The following DNAJC5B variants were observed in gnomAD, a reference collection of about 807,000 sequenced individuals.
DNAJC5B encodes the protein dnaJ homolog subfamily C member 5B.
Under a neutral mutation model 24.7 loss-of-function variants are expected in DNAJC5B, and 23 were observed. The ratio of observed to expected loss-of-function variants is 0.93; its 90% CI spans 0.67 to 1.32. The LOEUF (loss-of-function observed/expected upper bound fraction) is 1.32. DNAJC5B is among the 40% of genes most tolerant of loss of function. DNAJC5B has a pLI of 0.00. For missense variants in DNAJC5B, 238 were observed against 240.8 expected, an observed-to-expected ratio of 0.99 and a Z score of 0.08; for synonymous variants, 101 against 90.1, an observed-to-expected ratio of 1.12 and a Z score of -0.68.
intron 5 of DNAJC5B, among the ~76,000 whole-genome samples, chr8:66,090,280 TGG>T (rs1491037382): frequency 1.4e-5 from 2 of 146,718 alleles, no homozygotes; most frequent in Non-Finnish European, 3.0e-5. Flanking sequence ...TGTGTGTGTG[TGG>T]TAGAGAGAGA....
At chr8:66,055,007 C>T (rs1806933903) in intron 3 of DNAJC5B, among the ~76,000 whole-genome samples, 1 of 152,074 alleles carries the variant, frequency 6.6e-6, no homozygotes, top group Non-Finnish European at 1.5e-5. Flanking sequence ...TTTTAAAATC[C>T]ACTTTACTTT....
At chr8:66,069,287 T>C (rs1235340168) in intron 3 of DNAJC5B, among the ~76,000 whole-genome samples, 5 of 151,946 alleles carry the variant, frequency 3.3e-5, no homozygotes, top group Admixed American at 2.0e-4. Flanking sequence ...TCACTTTGAA[T>C]AAAAAACTGA....
intron 5 of DNAJC5B, among the ~76,000 whole-genome samples, chr8:66,090,132 T>C (rs1030645599): frequency 5.3e-5 from 8 of 152,140 alleles, no homozygotes; most frequent in Non-Finnish European, 8.8e-5. Context: ...TATACTCCTC[T>C]AGCAGTTGAA....
chr8:66,036,126 C>G (rs2128957097), intron 1 of DNAJC5B, among the ~76,000 whole-genome samples: 1 of 152,336 alleles, frequency 6.6e-6, no homozygotes, highest in South Asian at 2.1e-4. Context: ...GAAAACCTGG[C>G]TGAGACCTGA....
rs1806845627 is a variant in DNAJC5B at position 66,051,594 on chromosome 8, C to T, written c.47C>T (p.Thr16Ile). Residue 16 changes from threonine (T) to isoleucine (I), a missense_variant, in exon 3 of 6, where the codon ACA becomes ATA. Coordinates refer to ENST00000276570, the MANE Select transcript of DNAJC5B (RefSeq NM_033105.6). ...PNQRQRTLSTTGEALYEILGL... is the reference protein window; with the variant it reads ...PNQRQRTLSTIGEALYEILGL... The stretch of plus-strand genomic sequence containing the variant: ...CAAAGACAGCGGACTCTGTCAACAA[C>T]AGGAGAAGCTCTATACGAAATTCTT... 1 of 1,613,930 alleles carries T rather than the reference C, an allele frequency of 6.2e-7. No individual in the cohort carries two copies. Among genetic ancestry groups the T allele is most frequent in the African/African-American group, 1.3e-5 (1 of 74,896 alleles).
intron 5 of DNAJC5B, among the ~76,000 whole-genome samples, chr8:66,095,688 C>T (rs1210534966): frequency 6.7e-6 from 1 of 150,346 alleles, no homozygotes; most frequent in African/African-American, 2.5e-5. Context: ...CACACACACA[C>T]ACACACATAC....
Position 66,100,009 on chromosome 8 carries a change from G to C in DNAJC5B, c.578G>C (p.Arg193Pro), listed in dbSNP as rs149881668. The change falls in exon 6 of 6, where the codon CGA (arginine) becomes CCA (proline). Residue 193 changes from arginine (R) to proline (P), a missense_variant. Physicochemically the swap from Arg to Pro is moderately radical, Grantham distance 103 (BLOSUM62 -2). Transcript: ENST00000276570. ...ACACAGCTAATCAAAGAAGGATCTC[G>C]AAGTTATTGCACAGACTCTTGATAT... ...EKTQLIKEGSRSYCTDS is the reference protein window; with the variant it reads ...EKTQLIKEGSPSYCTDS 346 of 1,613,780 alleles carry C rather than the reference G, an allele frequency of 2.1e-4. No homozygotes were observed. The highest frequency in any genetic ancestry group is 2.7e-4 in the Non-Finnish European group (321 of 1,179,900).
At chr8:66,092,568 T>C (rs1807869334) in intron 5 of DNAJC5B, among the ~76,000 whole-genome samples, 1 of 152,198 alleles carries the variant, frequency 6.6e-6, no homozygotes, top group Non-Finnish European at 1.5e-5. Flanking sequence ...GACCTGAGTT[T>C]CTACCTCAGA....
chr8:66,080,274 T>G, intron 4 of DNAJC5B, 103 bp from the exon 5 acceptor site: 1 of 1,483,762 alleles, frequency 6.7e-7, no homozygotes, highest in South Asian at 1.3e-5. Context: ...AACTGTGAAG[T>G]GTTCAGGTCT....
chr8:66,034,910 T>C (rs1032401710), intron 1 of DNAJC5B, among the ~76,000 whole-genome samples: 4 of 152,190 alleles, frequency 2.6e-5, no homozygotes, highest in African/African-American at 9.7e-5. Flanking sequence ...ATGAATTACA[T>C]ACAAATTGGT....
In DNAJC5B at chr8:66,028,834, C is replaced by T. The variant is rs530939755; in HGVS notation, c.-142+7129C>T. ...GGCCACGCCTTTCTAAAATAGAAAC[C>T]GGCACTCCCCAGTTTCAAGTTTTTC... is the stretch of plus-strand genomic sequence containing the variant. On this transcript the variant is annotated intron_variant, in intron 1 of 5. Transcript: ENST00000276570. Among the ~76,000 whole-genome samples the T allele has an allele frequency of 5.9e-5, 9 of 152,244 alleles. No homozygotes were observed. The South Asian group carries it at 8.3e-4, about 14-fold the overall frequency.
At chr8:66,040,112 CCA>C (rs1266856704) in intron 1 of DNAJC5B, among the ~76,000 whole-genome samples, 2 of 152,106 alleles carry the variant, frequency 1.3e-5, no homozygotes, top group Non-Finnish European at 2.9e-5. Flanking sequence ...TGACTTGCGG[CCA>C]CACACAGTGG....
chr8:66,049,373 G>A (rs1586080211), intron 2 of DNAJC5B, among the ~76,000 whole-genome samples: 1 of 152,264 alleles, frequency 6.6e-6, no homozygotes, highest in Non-Finnish European at 1.5e-5. Context: ...CCAGTCCTTT[G>A]AGCTCCATTT....
At position 66,100,074 on chromosome 8, in the gene DNAJC5B, G is replaced by A. The variant is rs985092526; in HGVS notation, c.*43G>A. The A allele has an allele frequency of 6.4e-7, 1 of 1,569,314 alleles. No individual in the cohort carries two copies. The highest frequency in any genetic ancestry group is 1.4e-5 in the African/African-American group (1 of 73,984). ...GTCCACAGTCCCTCCTCTCAGTTCA[G>A]TCTTGTCTCCAGATGGTCGTAGGGG... On this transcript the variant is annotated 3_prime_UTR_variant, in exon 6 of 6. Coordinates refer to ENST00000276570, the MANE Select transcript of DNAJC5B (RefSeq NM_033105.6).
intron 5 of DNAJC5B, among the ~76,000 whole-genome samples, chr8:66,087,413 G>T (rs1327600284): frequency 2.6e-5 from 4 of 152,084 alleles, no homozygotes; most frequent in Admixed American, 1.3e-4. Flanking sequence ...ATATCATTCT[G>T]CCCCTGGCCC....
At chr8:66,043,886 G>A (rs1047555776) in intron 2 of DNAJC5B, among the ~76,000 whole-genome samples, 1 of 150,216 alleles carries the variant, frequency 6.7e-6, no homozygotes, top group Non-Finnish European at 1.5e-5. Context: ...GAGTACAGTG[G>A]CGCCATCTCG....
intron 1 of DNAJC5B, among the ~76,000 whole-genome samples, chr8:66,036,742 C>G (rs976289836): frequency 6.6e-6 from 1 of 152,256 alleles, no homozygotes; most frequent in East Asian, 1.9e-4. Flanking sequence ...TCCTGGTACC[C>G]AAATTTTTTT....
intron 1 of DNAJC5B, among the ~76,000 whole-genome samples, chr8:66,038,296 T>C (rs747590071): frequency 1.5e-4 from 23 of 152,228 alleles, no homozygotes; most frequent in South Asian, 6.2e-4. Flanking sequence ...ATTGATCCAG[T>C]GTGACATAGG....
intron 1 of DNAJC5B, among the ~76,000 whole-genome samples, chr8:66,031,169 A>G (rs1806353150): frequency 6.6e-6 from 1 of 152,228 alleles, no homozygotes. Flanking sequence ...ATTTTAAAGA[A>G]CTATACAAAT....
Sources: gnomAD v4.1 joint callset for allele counts (sites outside exome capture counted in the v4.1 genomes callset) on GRCh38, gnomAD v4.1.1 for gene constraint, MANE v1.5 for transcripts, NCBI Gene and HGNC (gene_info 2026-07-23, HGNC 2026-07-21) for gene names.